The following TBC1D12 variants were observed in gnomAD, a reference collection of about 807,000 sequenced individuals.
TBC1D12 encodes the protein TBC1 domain family, member 12.
Under a neutral mutation model 86.7 loss-of-function variants are expected in TBC1D12, and 56 were observed. The ratio of observed to expected loss-of-function variants is 0.65; its 90% CI spans 0.52 to 0.81. TBC1D12 has a LOEUF of 0.81. Among genes scored for constraint, TBC1D12 ranks in the 30% least tolerant of loss-of-function variants. The pLI, the probability that TBC1D12 is intolerant of heterozygous loss-of-function variation, is 0.00. For synonymous variants in TBC1D12, 421 were observed against 411.7 expected (o/e 1.02, Z -0.27); for missense variants, 1,023 against 1,038.8 (o/e 0.98, Z 0.21).
intron 1 of TBC1D12, among the ~76,000 whole-genome samples, chr10:94,408,317 C>A (rs1036645652): frequency 2.0e-5 from 3 of 152,086 alleles, no homozygotes; most frequent in African/African-American, 7.2e-5. Context: ...ACATACAGAT[C>A]CATGTGGCTT....
Position 94,493,434 on chromosome 10 carries a change from G to C in TBC1D12, c.1281G>C (p.Glu427Asp), listed in dbSNP as rs1255026703. ...HRQEYDEMVA[E>D]AKKREIKEAH... Reference sequence around the variant, plus strand: ...AAGAATACGATGAGATGGTGGCTGAGGCTAAAAAACGAGGTATAAAATTTA... The same window carrying C: ...AAGAATACGATGAGATGGTGGCTGACGCTAAAAAACGAGGTATAAAATTTA... Residue 427 changes from glutamate (E) to aspartate (D), a missense_variant, in exon 4 of 13, where the codon GAG becomes GAC. Glu to Asp is a conservative substitution (Grantham distance 45). Around this residue, in one of 2 missense-constraint regions of TBC1D12, gnomAD observed 395 missense variants for 507.7 expected, o/e 0.78. Coordinates refer to ENST00000225235, the MANE Select transcript of TBC1D12 (RefSeq NM_015188.2). The C allele has an allele frequency of 6.2e-7, 1 of 1,611,284 alleles. No individual in the cohort carries two copies. The highest frequency in any genetic ancestry group is 8.5e-7 in the Non-Finnish European group (1 of 1,179,082).
intron 1 of TBC1D12, among the ~76,000 whole-genome samples, chr10:94,427,990 T>C (rs1364057232): frequency 1.3e-5 from 2 of 151,980 alleles, no homozygotes; most frequent in Non-Finnish European, 2.9e-5. Context: ...GAAAATAAAT[T>C]TGTATATTTG....
intron 12 of TBC1D12, among the ~76,000 whole-genome samples, chr10:94,531,862 A>ATTTTATATGTTATGTTATGT (rs760350753): frequency 1.2e-5 from 1 of 83,282 alleles, no homozygotes; most frequent in South Asian, 4.0e-4. Context: ...ATTTTATTTT[A>ATTTTATATGTTATGTTATGT]TATGTTATGT....
At chr10:94,432,309 T>G (rs2055228535) in intron 1 of TBC1D12, among the ~76,000 whole-genome samples, 1 of 152,186 alleles carries the variant, frequency 6.6e-6, no homozygotes, top group Non-Finnish European at 1.5e-5. Flanking sequence ...TTTATGTACC[T>G]TTTCACTGGG....
At chr10:94,523,749 G>A (rs150794126) in intron 11 of TBC1D12, among the ~76,000 whole-genome samples, 2,232 of 152,166 alleles carry the variant, frequency 0.015, 54 homozygotes, top group East Asian at 0.06. Flanking sequence ...GATTGCTGGA[G>A]GCCAGGAGTT....
chr10:94,438,771 G>A (rs1424212935), intron 1 of TBC1D12, among the ~76,000 whole-genome samples: 1 of 151,934 alleles, frequency 6.6e-6, no homozygotes, highest in African/African-American at 2.4e-5. Context: ...TTCTACTAAA[G>A]TACTTGATTC....
chr10:94,438,916 G>A (rs1477422360), intron 1 of TBC1D12, among the ~76,000 whole-genome samples: 1 of 151,928 alleles, frequency 6.6e-6, no homozygotes. Flanking sequence ...CAATTCACCT[G>A]TCTCAGCCTC....
chr10:94,479,100 A>G (rs1490514736), intron 3 of TBC1D12, among the ~76,000 whole-genome samples: 1 of 152,252 alleles, frequency 6.6e-6, no homozygotes, highest in Non-Finnish European at 1.5e-5. Flanking sequence ...AAATCAATGT[A>G]GTAATTTCAA....
chr10:94,527,880 A>G (rs1842335618), intron 11 of TBC1D12, among the ~76,000 whole-genome samples: 1 of 152,270 alleles, frequency 6.6e-6, no homozygotes, highest in African/African-American at 2.4e-5. Flanking sequence ...TCAGTTGGCT[A>G]TAGATAATGT....
intron 11 of TBC1D12, 78 bp downstream of exon 11, chr10:94,522,531 T>G: frequency 1.6e-6 from 1 of 639,412 alleles, no homozygotes; most frequent in Non-Finnish European, 2.6e-6. Context: ...GGAACTAGAG[T>G]AAATCTCATG....
intron 8 of TBC1D12, among the ~76,000 whole-genome samples, chr10:94,511,044 A>C (rs745373071): frequency 1.3e-5 from 2 of 151,980 alleles, no homozygotes; most frequent in African/African-American, 4.8e-5. Context: ...GTATCCATCA[A>C]GTAAGTTTAT....
intron 2 of TBC1D12, among the ~76,000 whole-genome samples, chr10:94,459,077 TGATTGGTCCATTTTAC>T: frequency 6.6e-6 from 1 of 151,500 alleles, no homozygotes; most frequent in Non-Finnish European, 1.5e-5. Context: ...TACAGAGAGC[TGATTGGTCCATTTTAC>T]AGAGAGCTGA....
intron 12 of TBC1D12, among the ~76,000 whole-genome samples, chr10:94,531,789 GTTATT>G (rs1229483248): frequency 1.6e-4 from 19 of 115,290 alleles, no homozygotes; most frequent in African/African-American, 9.4e-5. Context: ...TTTATTTTAT[GTTATT>G]TTATTTTATG....
intron 9 of TBC1D12, among the ~76,000 whole-genome samples, chr10:94,512,716 G>T (rs950345906): frequency 2.0e-5 from 3 of 152,176 alleles, no homozygotes; most frequent in Non-Finnish European, 4.4e-5. Context: ...TAGATTTAGG[G>T]TGGGGCAGGT....
chr10:94,474,825 A>T (rs2055964128), intron 3 of TBC1D12, 42 bp downstream of exon 3: 1 of 1,517,834 alleles, frequency 6.6e-7, no homozygotes, highest in Admixed American at 1.8e-5. Context: ...TTTATATTTT[A>T]AAGTTAAATT....
intron 1 of TBC1D12, among the ~76,000 whole-genome samples, chr10:94,424,725 G>A (rs2055125100): frequency 6.6e-6 from 1 of 152,216 alleles, no homozygotes; most frequent in South Asian, 2.1e-4. Context: ...AGGCCACATG[G>A]AGATGGGTCA....
At chr10:94,478,628 A>T (rs79948402) in intron 3 of TBC1D12, among the ~76,000 whole-genome samples, 1,575 of 152,300 alleles carry the variant, frequency 0.01, 27 homozygotes, top group East Asian at 0.06. Flanking sequence ...GTGTAGCTGA[A>T]TGTAATTGCT....
Position 94,510,114 on chromosome 10 carries a change from G to A in TBC1D12, c.1624G>A (p.Ala542Thr). The change falls in exon 8 of 13, where the codon GCC becomes ACC. Residue 542 changes from alanine to threonine, a missense_variant. Physicochemically the swap from Ala to Thr is moderately conservative, Grantham distance 58. Transcript: ENST00000225235. ...AGGTGTATCTGTTGCTGATCGAGAG[G>A]CCAGTCTGGAATTAATTAAGTTGGA... ...TEGVSVADRE[A>T]SLELIKLDIS... 2 of 1,609,234 alleles carry A rather than the reference G, an allele frequency of 1.2e-6. No individual in the cohort carries two copies. The highest frequency in any genetic ancestry group is 1.3e-5 in the African/African-American group (1 of 74,734).
intron 1 of TBC1D12, among the ~76,000 whole-genome samples, chr10:94,428,817 C>T (rs775459671): frequency 6.6e-6 from 1 of 151,364 alleles, no homozygotes; most frequent in Non-Finnish European, 1.5e-5. Context: ...TTACGTGATC[C>T]TCCCGCTTCA....
Sources: allele counts gnomAD v4.1 joint callset (sites outside exome capture counted in the v4.1 genomes callset), GRCh38; gene constraint gnomAD v4.1.1; regional missense constraint gnomAD v4.1.1; transcripts MANE v1.5; gene names NCBI Gene and HGNC (gene_info 2026-07-23, HGNC 2026-07-21).